ATP10A: variants seen among roughly 807,000 people sequenced by gnomAD.
ATP10A encodes phospholipid-transporting ATPase VA.
In ATP10A, 111 loss-of-function variants were observed where a neutral mutation model predicts 147.8. The ratio of observed to expected loss-of-function variants is 0.75; its 90% CI spans 0.64 to 0.88. The LOEUF (loss-of-function observed/expected upper bound fraction) is 0.88, where lower values mean the gene tolerates loss of function less well. Among genes scored for constraint, ATP10A ranks in the 40% least tolerant of loss-of-function variants. The pLI is 0.00. For synonymous variants in ATP10A, 875 were observed against 841.6 expected (o/e 1.04, Z -0.69); for missense variants, 1,927 against 1,959.0 (o/e 0.98, Z 0.31).
intron 7 of ATP10A, among the ~76,000 whole-genome samples, chr15:25,719,867 C>T (rs1902104010): frequency 6.6e-6 from 1 of 152,208 alleles, no homozygotes; most frequent in Non-Finnish European, 1.5e-5. Flanking sequence ...GCTTGGGGCT[C>T]AGAGTCCATC....
At chr15:25,773,063 A>G (rs1454628842) in intron 2 of ATP10A, among the ~76,000 whole-genome samples, 1 of 152,116 alleles carries the variant, frequency 6.6e-6, no homozygotes, top group Non-Finnish European at 1.5e-5. Flanking sequence ...TTTCATCCAC[A>G]TCCCAGTAGG....
At chr15:25,842,812 C>G (rs556903049) in intron 1 of ATP10A, among the ~76,000 whole-genome samples, 2 of 152,204 alleles carry the variant, frequency 1.3e-5, no homozygotes, top group East Asian at 3.9e-4. Flanking sequence ...CTCCTGGGCT[C>G]AAGCGGTCCT....
chr15:25,804,075 T>C (rs901783593), intron 1 of ATP10A, among the ~76,000 whole-genome samples: 3 of 43,586 alleles, frequency 6.9e-5, no homozygotes, highest in Admixed American at 3.4e-4. Context: ...TCTACGTGCA[T>C]GGTGTGTGTG....
At chr15:25,826,604 G>T (rs369253562) in intron 1 of ATP10A, among the ~76,000 whole-genome samples, 2 of 152,202 alleles carry the variant, frequency 1.3e-5, no homozygotes, top group Middle Eastern at 3.4e-3. Context: ...CGACCAGCCT[G>T]GCCAACATGG....
At chr15:25,700,267 T>C (rs1221388193) in intron 13 of ATP10A, among the ~76,000 whole-genome samples, 2 of 152,192 alleles carry the variant, frequency 1.3e-5, no homozygotes, top group Non-Finnish European at 2.9e-5. Flanking sequence ...AGCAAAGTAA[T>C]ACAGCACTTT....
At chr15:25,796,783 G>GGT (rs1890690026) in intron 1 of ATP10A, among the ~76,000 whole-genome samples, 1 of 152,242 alleles carries the variant, frequency 6.6e-6, no homozygotes, top group African/African-American at 2.4e-5. Flanking sequence ...CTTGACAGAA[G>GGT]GTGGTGACAG....
In ATP10A at chr15:25,777,782, C is replaced by CTT. The variant is rs11424373; in HGVS notation, c.654+3235_654+3236dup. Among the ~76,000 whole-genome samples the CTT allele has an allele frequency of 9.0e-3, 1,268 of 140,250 alleles. 23 individuals carry two copies. Among genetic ancestry groups the CTT allele is most frequent in the East Asian group, 0.041 (193 of 4,750 alleles). The allele number at this position is 140,250 out of a possible 152,430, so 92.0% of individuals were successfully genotyped here. Reference sequence around the variant, plus strand: ...ATCTGGCAATTTTTTTTCTTTCTTTCTTTTTTTTTTTTTGAGATGGGGTTT... The same window carrying CTT: ...ATCTGGCAATTTTTTTTCTTTCTTTCTTTTTTTTTTTTTTTGAGATGGGGTTT... On this transcript the variant is annotated intron_variant, in intron 2 of 20. Transcript: ENST00000555815.
At chr15:25,682,314 T>C (rs538676094) in intron 17 of ATP10A, among the ~76,000 whole-genome samples, 141 of 150,120 alleles carry the variant, frequency 9.4e-4, no homozygotes, top group Non-Finnish European at 1.7e-3. Flanking sequence ...TATATACCCA[T>C]GGGCAGAAAT....
chr15:25,765,986 T>C (rs911245285), intron 2 of ATP10A, among the ~76,000 whole-genome samples: 1 of 152,158 alleles, frequency 6.6e-6, no homozygotes, highest in Admixed American at 6.5e-5. Flanking sequence ...AATAAAGACA[T>C]ACCCAAAACT....
chr15:25,851,725 C>T (rs1239695063), intron 1 of ATP10A, among the ~76,000 whole-genome samples: 1 of 152,044 alleles, frequency 6.6e-6, no homozygotes, highest in African/African-American at 2.4e-5. Context: ...CCTCATGGTA[C>T]AAGTATACAG....
chr15:25,820,089 GGAAGGAATA>G (rs1891817762), intron 1 of ATP10A, among the ~76,000 whole-genome samples: 1 of 151,662 alleles, frequency 6.6e-6, no homozygotes, highest in South Asian at 2.1e-4. Flanking sequence ...CAGCACTAAA[GGAAGGAATA>G]CATTGTATTA....
chr15:25,743,353 C>T (rs1050606050), intron 2 of ATP10A, among the ~76,000 whole-genome samples: 2 of 152,204 alleles, frequency 1.3e-5, no homozygotes, highest in African/African-American at 2.4e-5. Context: ...CAGCACCAGA[C>T]GACTGGGCAA....
chr15:25,697,251 C>T (rs901689606), intron 13 of ATP10A, among the ~76,000 whole-genome samples: 1 of 152,316 alleles, frequency 6.6e-6, no homozygotes, highest in East Asian at 1.9e-4. Context: ...ATAAACACAT[C>T]TGCCTTTGAA....
chr15:25,747,966 T>C (rs1379224373), intron 2 of ATP10A, among the ~76,000 whole-genome samples: 2 of 152,148 alleles, frequency 1.3e-5, no homozygotes, highest in African/African-American at 4.8e-5. Context: ...AAAAATTCTT[T>C]TTTTTTTTTC....
intron 1 of ATP10A, among the ~76,000 whole-genome samples, chr15:25,834,225 A>C (rs1369957577): frequency 3.9e-5 from 6 of 152,346 alleles, no homozygotes; most frequent in African/African-American, 1.4e-4. Flanking sequence ...GGAAGCAAAG[A>C]GACAACCTGC....
chr15:25,681,681 A>T (rs1385574877), intron 17 of ATP10A, among the ~76,000 whole-genome samples: 1 of 152,160 alleles, frequency 6.6e-6, no homozygotes, highest in Non-Finnish European at 1.5e-5. Context: ...AACACCTACA[A>T]AACTATCTGC....
At chr15:25,746,297 A>G (rs892834698) in intron 2 of ATP10A, among the ~76,000 whole-genome samples, 11 of 152,286 alleles carry the variant, frequency 7.2e-5, no homozygotes, top group African/African-American at 2.2e-4. Flanking sequence ...AGTTCAACTC[A>G]TTTGAAAAAT....
rs959728307 is a variant in ATP10A at position 25,862,640 on chromosome 15, C to T, written c.449+8G>A. The T allele has an allele frequency of 6.4e-6, 10 of 1,559,278 alleles. No homozygotes were observed. Among genetic ancestry groups the T allele is most frequent in the Non-Finnish European group, 8.7e-6 (10 of 1,151,912 alleles). On this transcript the variant is annotated splice_region_variant and intron_variant, in intron 1 of 20. Coordinates refer to ENST00000555815, the MANE Select transcript of ATP10A (RefSeq NM_024490.4). ...CCGCGCGCTCGCTCGCCCGCCCGCCCAACTCACCTGCTGAAGACCAGGCAG... is the reference window on the plus strand; with the variant it reads ...CCGCGCGCTCGCTCGCCCGCCCGCCTAACTCACCTGCTGAAGACCAGGCAG...
At chr15:25,852,507 C>T (rs1282524791) in intron 1 of ATP10A, among the ~76,000 whole-genome samples, 1 of 152,116 alleles carries the variant, frequency 6.6e-6, no homozygotes, top group African/African-American at 2.4e-5. Context: ...CTAACCGCCC[C>T]CCAACCTCAC....
Sources: allele counts gnomAD v4.1 joint callset (sites outside exome capture counted in the v4.1 genomes callset), GRCh38; gene constraint gnomAD v4.1.1; transcripts MANE v1.5; gene names NCBI Gene and HGNC (gene_info 2026-07-23, HGNC 2026-07-21).